Variants in HIC2 observed in about 807,000 individuals in gnomAD.
HIC2 encodes the protein hypermethylated in cancer 2 protein.
A neutral mutation model predicts 39.5 loss-of-function variants in HIC2; 2 were observed. The observed-to-expected ratio is 0.05, with a 90% CI of 0.02 to 0.16. The LOEUF (loss-of-function observed/expected upper bound fraction) is 0.16, where lower values mean the gene tolerates loss of function less well. HIC2 is among the 10% of genes least tolerant of loss of function. The pLI, the probability that HIC2 is intolerant of heterozygous loss-of-function variation, is 1.00. For missense variants in HIC2, 713 were observed against 863.5 expected, an observed-to-expected ratio of 0.83 and a Z score of 2.18; for synonymous variants, 399 against 368.8, an observed-to-expected ratio of 1.08 and a Z score of -0.94.
chr22:21,425,547 T>C (rs1203915113), intron 1 of HIC2, among the ~76,000 whole-genome samples: 6 of 55,114 alleles, frequency 1.1e-4, no homozygotes, highest in Non-Finnish European at 1.6e-4. Context: ...TTTTTCTTTT[T>C]TTTTTTTTTT....
At chr22:21,432,740 T>A (rs1485054743) in intron 1 of HIC2, among the ~76,000 whole-genome samples, 2 of 141,482 alleles carry the variant, frequency 1.4e-5, no homozygotes, top group African/African-American at 2.7e-5. Flanking sequence ...ATCAGGTTTT[T>A]ATCTTTTAGA....
In HIC2 at chr22:21,447,417, C is replaced by T. The variant is rs1923916910; in HGVS notation, c.*674C>T. 6.5e-6 allele frequency: 1 copy of T among 152,754 alleles called. No individual in the cohort carries two copies. Among genetic ancestry groups the T allele is most frequent in the Admixed American group, 6.5e-5 (1 of 15,286 alleles). 9.5% of individuals were successfully genotyped at this position (152,754 alleles called of 1,614,324 possible). On this transcript the variant is annotated 3_prime_UTR_variant, in exon 3 of 3. Transcript: ENST00000407464. ...CAATAGCTTATTTTCTTTCCGCCCC[C>T]TCCGGGGCTGAGCCTGGGTCTGAAG...
Position 21,446,902 on chromosome 22 carries a change from C to A in HIC2, c.*159C>A. 1 of 1,005,896 alleles carries A rather than the reference C, an allele frequency of 9.9e-7. No homozygotes were observed. The highest frequency in any genetic ancestry group is 1.4e-6 in the Non-Finnish European group (1 of 708,010). 62.3% of individuals were successfully genotyped at this position (1,005,896 alleles called of 1,614,324 possible). Reference sequence around the variant, plus strand: ...TGCCCACACCCAGAGCTTTAATGGACAGTCCGTACCAAGCAGAGCCGAGAG... The same window carrying A: ...TGCCCACACCCAGAGCTTTAATGGAAAGTCCGTACCAAGCAGAGCCGAGAG... On this transcript the variant is annotated 3_prime_UTR_variant, in exon 3 of 3. Transcript: ENST00000407464.
At position 21,446,215 on chromosome 22, in the gene HIC2, CTTG is replaced by C; in HGVS notation, c.1322_1324del (p.Leu441del). The stretch of plus-strand genomic sequence containing the variant: ...ACGAGACGGTGTCCTACGGGGACAA[CTTG>C]TATGTGTGCATTCCCTGCGCCAAGG... On this transcript the variant is annotated inframe_deletion, in exon 3 of 3. Transcript: ENST00000407464. 1 of 1,612,392 alleles carries C rather than the reference CTTG, an allele frequency of 6.2e-7. No homozygotes were observed.
rs989407401 is a variant in HIC2 at position 21,446,907 on chromosome 22, C to T, written c.*164C>T. 2.9e-5 allele frequency: 29 copies of T among 984,138 alleles called. No individual in the cohort carries two copies. The Admixed American group carries it at 3.3e-4, about 11-fold the overall frequency. The allele number at this position is 984,138 out of a possible 1,614,324, so 61.0% of individuals were successfully genotyped here. A position where few individuals can be genotyped will look rare whatever the true frequency, so the allele number is the denominator to read the frequency against. ...ACACCCAGAGCTTTAATGGACAGTC[C>T]GTACCAAGCAGAGCCGAGAGGAGGG... is the stretch of plus-strand genomic sequence containing the variant. On this transcript the variant is annotated 3_prime_UTR_variant, in exon 3 of 3. Coordinates refer to ENST00000407464, the MANE Select transcript of HIC2 (RefSeq NM_015094.3).
rs1313401638 is a variant in HIC2, at chr22:21,445,678, A to C, written c.783A>C (p.Pro261=). 2 of 1,608,468 alleles carry C rather than the reference A, an allele frequency of 1.2e-6. No homozygotes were observed. The highest frequency in any genetic ancestry group is 1.7e-6 in the Non-Finnish European group (2 of 1,177,964). Residue 261 remains proline (P), a synonymous_variant, in exon 3 of 3, where the codon CCA becomes CCC. Transcript: ENST00000407464. ...KKSPPLPPAT[P]GPHLTPDDAA... ...GCCCACCCTTGCCCCCTGCCACCCC[A>C]GGTCCCCACCTCACTCCCGATGACG...
At position 21,446,936 on chromosome 22, in the gene HIC2, C is replaced by T; in HGVS notation, c.*193C>T. 2.5e-6 allele frequency: 2 copies of T among 791,136 alleles called. No homozygotes were observed. The highest frequency in any genetic ancestry group is 2.8e-5 in the East Asian group (1 of 35,674). The allele number at this position is 791,136 out of a possible 1,614,324, so 49.0% of individuals were successfully genotyped here. A position where few individuals can be genotyped will look rare whatever the true frequency, so the allele number is the denominator to read the frequency against. The stretch of plus-strand genomic sequence containing the variant: ...CCAAGCAGAGCCGAGAGGAGGGAAG[C>T]CAGGGGTCCCAGCCCGTCTACCTCC... On this transcript the variant is annotated 3_prime_UTR_variant, in exon 3 of 3. Transcript: ENST00000407464.
intron 1 of HIC2, among the ~76,000 whole-genome samples, chr22:21,431,968 C>T (rs1461195125): frequency 7.3e-6 from 1 of 137,602 alleles, no homozygotes; most frequent in African/African-American, 2.6e-5. Flanking sequence ...AAGACCCTGT[C>T]TCCAAACAAT....
intron 1 of HIC2, among the ~76,000 whole-genome samples, chr22:21,430,352 TTTTG>T (rs1217613475): frequency 3.4e-4 from 1 of 2,976 alleles, no homozygotes; most frequent in African/African-American, 1.5e-3. Context: ...CTCTCTGTTT[TTTTG>T]TTTGTTTGTT....
chr22:21,426,515 C>A (rs1923261900), intron 1 of HIC2, among the ~76,000 whole-genome samples: 1 of 147,636 alleles, frequency 6.8e-6, no homozygotes, highest in Non-Finnish European at 1.5e-5. Context: ...GTTGCCCAGG[C>A]TGGAGTACAG....
rs1923874931 is a variant in HIC2, at chr22:21,446,886, C to T, written c.*143C>T. The T allele has an allele frequency of 8.6e-7, 1 of 1,161,528 alleles. No individual in the cohort carries two copies. Among genetic ancestry groups the T allele is most frequent in the Non-Finnish European group, 1.2e-6 (1 of 847,842 alleles). The allele number at this position is 1,161,528 out of a possible 1,614,324, so 72.0% of individuals were successfully genotyped here. A position where few individuals can be genotyped will look rare whatever the true frequency, so the allele number is the denominator to read the frequency against. ...CCCCTCTGGCCCCCACTGCCCACAC[C>T]CAGAGCTTTAATGGACAGTCCGTAC... is the stretch of plus-strand genomic sequence containing the variant. On this transcript the variant is annotated 3_prime_UTR_variant, in exon 3 of 3. Coordinates refer to ENST00000407464, the MANE Select transcript of HIC2 (RefSeq NM_015094.3).
chr22:21,448,673 CTT>C lies in HIC2; in HGVS notation c.*1933_*1934del, dbSNP rs1923995226. 6.5e-6 allele frequency: 1 copy of C among 152,752 alleles called. No individual in the cohort carries two copies. Among genetic ancestry groups the C allele is most frequent in the Non-Finnish European group, 1.5e-5 (1 of 68,062 alleles). The allele number at this position is 152,752 out of a possible 1,614,324, so 9.5% of individuals were successfully genotyped here. ...CAGGGACCCAAGTGGTGAGCGGCGT[CTT>C]TTGGGGGTGAGGGAGCTTGGGTAGA... On this transcript the variant is annotated 3_prime_UTR_variant, in exon 3 of 3. Transcript: ENST00000407464.
Position 21,446,922 on chromosome 22 carries a change from C to CG in HIC2, c.*180dup, listed in dbSNP as rs1555877369. 3.4e-6 allele frequency: 3 copies of CG among 894,834 alleles called. No homozygotes were observed. Among genetic ancestry groups the CG allele is most frequent in the Non-Finnish European group, 4.9e-6 (3 of 615,482 alleles). 55.4% of individuals were successfully genotyped at this position (894,834 alleles called of 1,614,324 possible). ...ATGGACAGTCCGTACCAAGCAGAGC[C>CG]GAGAGGAGGGAAGCCAGGGGTCCCA... On this transcript the variant is annotated 3_prime_UTR_variant, in exon 3 of 3. Transcript: ENST00000407464.
rs1923895966 is a variant in HIC2, at chr22:21,447,146, G to T, written c.*403G>T. ...CACCCCGCTGGCCGTGTCTGTGTGT[G>T]TGCACGTGTGCTTGTGTCTGTGCGG... On this transcript the variant is annotated 3_prime_UTR_variant, in exon 3 of 3. Transcript: ENST00000407464. 4.5e-6 allele frequency: 1 copy of T among 222,468 alleles called. No homozygotes were observed. The highest frequency in any genetic ancestry group is 5.2e-5 in the Admixed American group (1 of 19,310). 13.8% of individuals were successfully genotyped at this position (222,468 alleles called of 1,614,324 possible). A position where few individuals can be genotyped will look rare whatever the true frequency, so the allele number is the denominator to read the frequency against.
intron 2 of HIC2, among the ~76,000 whole-genome samples, chr22:21,444,043 G>GCT (rs56728915): frequency 0.015 from 2,289 of 152,328 alleles, 60 homozygotes; most frequent in African/African-American, 0.052. Flanking sequence ...AGGAGCACCC[G>GCT]CTCAGAACCC....
At chr22:21,444,861 C>G in intron 2 of HIC2, 61 bp from the exon 3 acceptor site, 1 of 1,549,568 alleles carries the variant, frequency 6.5e-7, no homozygotes, top group South Asian at 1.2e-5. Flanking sequence ...CCACCCTGCC[C>G]CAGAGCCCTG....
At position 21,446,496 on chromosome 22, in the gene HIC2, C is replaced by T; in HGVS notation, c.1601C>T (p.Pro534Leu). 1 of 1,612,722 alleles carries T rather than the reference C, an allele frequency of 6.2e-7. No homozygotes were observed. Among genetic ancestry groups the T allele is most frequent in the Non-Finnish European group, 8.5e-7 (1 of 1,180,016 alleles). Residue 534 changes from proline (P) to leucine (L), a missense_variant, in exon 3 of 3, where the codon CCC becomes CTC. Transcript: ENST00000407464. ...ACGCACTGGCTGACACGGCCCTTCC[C>T]CTGCAACATCTGTGGCAAAATGTTC... is the stretch of plus-strand genomic sequence containing the variant. ...EKTHWLTRPF[P>L]CNICGKMFTQ...
At position 21,448,807 on chromosome 22, in the gene HIC2, A is replaced by C. The variant is rs1411561227; in HGVS notation, c.*2064A>C. The C allele has an allele frequency of 2.0e-5, 3 of 152,718 alleles. No individual in the cohort carries two copies. Among genetic ancestry groups the C allele is most frequent in the Non-Finnish European group, 2.9e-5 (2 of 68,074 alleles). The allele number at this position is 152,718 out of a possible 1,614,324, so 9.5% of individuals were successfully genotyped here. On this transcript the variant is annotated 3_prime_UTR_variant, in exon 3 of 3. Transcript: ENST00000407464. ...GGACCCTGGGTCTCAGGTTCCAGCA[A>C]GTCAGGCTAGGGACCTGGGGGGAGG...
In HIC2 at chr22:21,446,074, C is replaced by T. The variant is rs1168940779; in HGVS notation, c.1179C>T (p.Tyr393=). The change falls in exon 3 of 3, where the codon TAC becomes TAT. Residue 393 remains tyrosine, a synonymous_variant. Coordinates refer to ENST00000407464, the MANE Select transcript of HIC2 (RefSeq NM_015094.3). ...GCGGGCCCTATGGGGAGCCCCCCTA[C>T]CCCTGCAAGGAGGAGGAGGAGAACG... ...GPSGPYGEPP[Y]PCKEEEENGK... 1.9e-6 allele frequency: 3 copies of T among 1,607,570 alleles called. No individual in the cohort carries two copies. Among genetic ancestry groups the T allele is most frequent in the Non-Finnish European group, 2.5e-6 (3 of 1,179,422 alleles).
Sources: allele counts gnomAD v4.1 joint callset (sites outside exome capture counted in the v4.1 genomes callset), GRCh38; gene constraint gnomAD v4.1.1; transcripts MANE v1.5; gene names NCBI Gene and HGNC (gene_info 2026-07-23, HGNC 2026-07-21).